ATP9A: variants seen among roughly 807,000 people sequenced by gnomAD.
ATP9A encodes the protein probable phospholipid-transporting ATPase IIA.
A neutral mutation model predicts 144.1 loss-of-function variants in ATP9A; 52 were observed. The ratio of observed to expected loss-of-function variants is 0.36; its 90% confidence interval spans 0.29 to 0.45. The LOEUF is 0.45. Among genes scored for constraint, ATP9A ranks in the 20% least tolerant of loss-of-function variants. The pLI is 1.00. For synonymous variants in ATP9A, 582 were observed against 557.4 expected (o/e 1.04, Z -0.62); for missense variants, 947 against 1,392.7 (o/e 0.68, Z 5.09).
At chr20:51,637,825 A>C (rs2077299287) in intron 15 of ATP9A, among the ~76,000 whole-genome samples, 1 of 151,102 alleles carries the variant, frequency 6.6e-6, no homozygotes, top group East Asian at 2.0e-4. Context: ...CACTGAACCC[A>C]ACTTGTAGTC....
At chr20:51,613,596 A>G in intron 23 of ATP9A, 81 bp downstream of exon 23, 1 of 1,391,122 alleles carries the variant, frequency 7.2e-7, no homozygotes, top group East Asian at 2.5e-5. Context: ...CCACATGTAC[A>G]TGTGCAGAGG....
rs181362641 is a variant in ATP9A at position 51,620,065 on chromosome 20, T to C, written c.2116-1022A>G. On this transcript the variant is annotated intron_variant, in intron 19 of 27. Coordinates refer to ENST00000338821, the MANE Select transcript of ATP9A (RefSeq NM_006045.3). ...CTAAAGGCACATGGCTAGTATGCTGTAGCCCAGGTATGCAGAGCCAGGCAC... is the reference window on the plus strand; with the variant it reads ...CTAAAGGCACATGGCTAGTATGCTGCAGCCCAGGTATGCAGAGCCAGGCAC... Among the ~76,000 whole-genome samples, 207 of 152,286 alleles carry C rather than the reference T, an allele frequency of 1.4e-3. 2 individuals carry two copies. The highest frequency in any genetic ancestry group is 0.013 in the Admixed American group (198 of 15,294).
intron 9 of ATP9A, among the ~76,000 whole-genome samples, chr20:51,678,720 C>A (rs773638560): frequency 3.3e-5 from 5 of 152,220 alleles, no homozygotes; most frequent in Admixed American, 2.0e-4. Flanking sequence ...AGCTCAGCCT[C>A]AATCCCCAGA....
chr20:51,650,855 A>G (rs929039852), intron 14 of ATP9A, among the ~76,000 whole-genome samples: 1 of 151,948 alleles, frequency 6.6e-6, no homozygotes, highest in Non-Finnish European at 1.5e-5. Flanking sequence ...ATGTGCATCC[A>G]TGTGCACACA....
chr20:51,617,411 G>A, intron 22 of ATP9A, 79 bp downstream of exon 22: 3 of 1,399,240 alleles, frequency 2.1e-6, no homozygotes, highest in Non-Finnish European at 2.0e-6. Flanking sequence ...ATTTCCAGAA[G>A]GCTTAAAGCT....
chr20:51,724,356 G>A (rs2077703369), intron 3 of ATP9A, among the ~76,000 whole-genome samples: 1 of 152,048 alleles, frequency 6.6e-6, no homozygotes, highest in Non-Finnish European at 1.5e-5. Flanking sequence ...ACCTCTTTCT[G>A]TTTCTCAAAT....
At chr20:51,696,846 A>G (rs2077572712) in intron 5 of ATP9A, among the ~76,000 whole-genome samples, 1 of 152,238 alleles carries the variant, frequency 6.6e-6, no homozygotes, top group Non-Finnish European at 1.5e-5. Context: ...AAGCCTCTCC[A>G]GAGCCACCCC....
Position 51,694,009 on chromosome 20 carries a change from G to A in ATP9A, c.641C>T (p.Ala214Val). The A allele has an allele frequency of 6.2e-7, 1 of 1,612,858 alleles. No individual in the cohort carries two copies. Among genetic ancestry groups the A allele is most frequent in the Non-Finnish European group, 8.5e-7 (1 of 1,179,364 alleles). Residue 214 changes from alanine (A) to valine (V), a missense_variant and splice_region_variant, in exon 7 of 28, where the codon GCC (alanine) becomes GTC (valine). This residue lies in a region of ATP9A where 770 missense variants were observed against 1,047.9 expected (regional missense o/e 0.73). Coordinates refer to ENST00000338821, the MANE Select transcript of ATP9A (RefSeq NM_006045.3). ...GCTTCTGCAGGGAAAGCTACTCACGGCGGCCGTGGGGAGCCTCTGCGTGCA... is the reference window on the plus strand; with the variant it reads ...GCTTCTGCAGGGAAAGCTACTCACGACGGCCGTGGGGAGCCTCTGCGTGCA... ...VACTQRLPTA[A>V]DLLQIRSYVY...
intron 1 of ATP9A, among the ~76,000 whole-genome samples, chr20:51,751,300 C>A: frequency 7.2e-6 from 1 of 139,486 alleles, no homozygotes; most frequent in African/African-American, 2.6e-5. Flanking sequence ...CACACTCCAT[C>A]CCATGCTGGA....
At chr20:51,680,384 G>C (rs527428751) in intron 9 of ATP9A, among the ~76,000 whole-genome samples, 12 of 152,154 alleles carry the variant, frequency 7.9e-5, no homozygotes, top group Non-Finnish European at 2.9e-5. Context: ...AACTGGGCTA[G>C]AGCACCAGTT....
chr20:51,697,839 A>G (rs992754883), intron 4 of ATP9A, among the ~76,000 whole-genome samples: 1 of 152,206 alleles, frequency 6.6e-6, no homozygotes, highest in Non-Finnish European at 1.5e-5. Flanking sequence ...CGGGGGAAAA[A>G]AGTCTTAATT....
At chr20:51,604,474 T>A (rs774636980) in intron 27 of ATP9A, among the ~76,000 whole-genome samples, 1 of 152,204 alleles carries the variant, frequency 6.6e-6, no homozygotes, top group Admixed American at 6.5e-5. Flanking sequence ...AGTCCCCTTT[T>A]ATCAGTTTCA....
chr20:51,605,180 G>C (rs1353232038), intron 26 of ATP9A, among the ~76,000 whole-genome samples, 160 bp from the exon 27 acceptor site: 1 of 152,118 alleles, frequency 6.6e-6, no homozygotes, highest in African/African-American at 2.4e-5. Flanking sequence ...CTGAACCTAT[G>C]GTTTTCTGAT....
chr20:51,608,164 A>G (rs2077171102), intron 25 of ATP9A, among the ~76,000 whole-genome samples: 1 of 152,156 alleles, frequency 6.6e-6, no homozygotes, highest in Non-Finnish European at 1.5e-5. Context: ...ACGCCACCAC[A>G]CACACTTTTT....
At chr20:51,615,564 TGA>T (rs1178938529) in intron 22 of ATP9A, among the ~76,000 whole-genome samples, 11 of 152,200 alleles carry the variant, frequency 7.2e-5, no homozygotes, top group Non-Finnish European at 1.6e-4. Context: ...GAAAAAATGT[TGA>T]GAGAATAACC....
chr20:51,608,504 A>G lies in ATP9A; in HGVS notation c.2745+14T>C, dbSNP rs2122709092. 1 of 1,537,248 alleles carries G rather than the reference A, an allele frequency of 6.5e-7. No homozygotes were observed. Among genetic ancestry groups the G allele is most frequent in the East Asian group, 2.2e-5 (1 of 44,494 alleles). Reference sequence around the variant, plus strand: ...GAGGAAAGGAGGAAGGAGGGACTGAAAAGCTAACAGAACCTTGAGAAGATC... The same window carrying G: ...GAGGAAAGGAGGAAGGAGGGACTGAGAAGCTAACAGAACCTTGAGAAGATC... On this transcript the variant is annotated intron_variant, in intron 25 of 27. Coordinates refer to ENST00000338821, the MANE Select transcript of ATP9A (RefSeq NM_006045.3).
chr20:51,688,694 C>A (rs2077534302), intron 9 of ATP9A, among the ~76,000 whole-genome samples: 1 of 152,156 alleles, frequency 6.6e-6, no homozygotes, highest in African/African-American at 2.4e-5. Context: ...AAGCCCATGC[C>A]CTTTCCTAGG....
intron 15 of ATP9A, among the ~76,000 whole-genome samples, chr20:51,636,604 G>A (rs1378562947): frequency 6.8e-6 from 1 of 147,822 alleles, no homozygotes; most frequent in African/African-American, 2.7e-5. Context: ...CCTGGAGTGA[G>A]TTCCAGCCCC....
At chr20:51,704,272 G>T (rs532664025) in intron 4 of ATP9A, among the ~76,000 whole-genome samples, 1 of 151,604 alleles carries the variant, frequency 6.6e-6, no homozygotes, top group Non-Finnish European at 1.5e-5. Context: ...TGGTCTTGCC[G>T]GTTTATGGTG....
Sources: allele counts gnomAD v4.1 joint callset (sites outside exome capture counted in the v4.1 genomes callset), GRCh38; gene constraint gnomAD v4.1.1; regional missense constraint gnomAD v4.1.1; transcripts MANE v1.5; gene names NCBI Gene and HGNC (gene_info 2026-07-23, HGNC 2026-07-21).